DSCAML1: variants seen among roughly 807,000 people sequenced by gnomAD.
The protein encoded by DSCAML1 is cell adhesion molecule DSCAML1.
In DSCAML1, 38 loss-of-function variants were observed where a neutral mutation model predicts 200.5. The observed-to-expected ratio is 0.19, with a 90% confidence interval of 0.15 to 0.25. The LOEUF is 0.25. Ranked by LOEUF, DSCAML1 falls within the 10% of genes least tolerant of loss-of-function variation. The probability of loss-of-function intolerance (pLI) is 1.00; values close to 1 mark genes in which losing one functional copy is unlikely to be tolerated. For synonymous variants in DSCAML1, 1,215 were observed against 1,165.0 expected (o/e 1.04, Z -0.87); for missense variants, 2,223 against 2,858.8 (o/e 0.78, Z 5.07).
intron 3 of DSCAML1, among the ~76,000 whole-genome samples, chr11:117,559,801 C>A (rs1377654656): frequency 1.3e-5 from 2 of 152,002 alleles, no homozygotes; most frequent in African/African-American, 4.8e-5. Context: ...GAGAGACCCT[C>A]GCCCAGGGCA....
At chr11:117,669,934 G>A (rs979406789) in intron 3 of DSCAML1, among the ~76,000 whole-genome samples, 5 of 152,212 alleles carry the variant, frequency 3.3e-5, no homozygotes, top group South Asian at 2.1e-4. Context: ...GGGCCTCAGC[G>A]GCCCATGAAA....
intron 3 of DSCAML1, among the ~76,000 whole-genome samples, chr11:117,723,617 G>A (rs1241480417): frequency 2.0e-5 from 3 of 152,164 alleles, no homozygotes; most frequent in Non-Finnish European, 4.4e-5. Flanking sequence ...GACCCATTCC[G>A]CGGCTGTTTT....
chr11:117,790,321 G>A (rs536927592), intron 1 of DSCAML1, among the ~76,000 whole-genome samples: 3 of 152,356 alleles, frequency 2.0e-5, no homozygotes, highest in Middle Eastern at 3.4e-3. Flanking sequence ...AATGGGAGGA[G>A]GGAGAAGAGG....
chr11:117,429,412 C>G (rs1351101047), intron 32 of DSCAML1, among the ~76,000 whole-genome samples: 2 of 151,698 alleles, frequency 1.3e-5, no homozygotes, highest in African/African-American at 2.4e-5. Context: ...TTCCTAATTT[C>G]TTTTTTTTTG....
chr11:117,602,476 T>C (rs1358978921), intron 3 of DSCAML1, among the ~76,000 whole-genome samples: 1 of 152,134 alleles, frequency 6.6e-6, no homozygotes, highest in Non-Finnish European at 1.5e-5. Context: ...TCCTCCCACC[T>C]CAGCCTCCGG....
intron 6 of DSCAML1, among the ~76,000 whole-genome samples, chr11:117,519,680 G>A (rs981439903): frequency 1.3e-5 from 2 of 152,102 alleles, no homozygotes; most frequent in South Asian, 2.1e-4. Context: ...AAATAGCCAG[G>A]TGTGGTGGCA....
chr11:117,492,261 G>C (rs568697426), intron 11 of DSCAML1, among the ~76,000 whole-genome samples: 1 of 152,142 alleles, frequency 6.6e-6, no homozygotes, highest in Non-Finnish European at 1.5e-5. Context: ...GCAAACTTAG[G>C]GTGTCCTTCA....
intron 1 of DSCAML1, among the ~76,000 whole-genome samples, chr11:117,810,415 A>G (rs977915214): frequency 7.4e-5 from 11 of 148,550 alleles, no homozygotes; most frequent in Middle Eastern, 3.2e-3. Flanking sequence ...TTATTTCCGC[A>G]CCCCGACCTC....
chr11:117,711,961 C>T (rs1029343492), intron 3 of DSCAML1, among the ~76,000 whole-genome samples: 3 of 152,198 alleles, frequency 2.0e-5, no homozygotes, highest in African/African-American at 4.8e-5. Flanking sequence ...CTGAAGATGG[C>T]AACTATTATC....
chr11:117,522,110 C>T (rs755162595), intron 5 of DSCAML1, among the ~76,000 whole-genome samples: 5 of 152,210 alleles, frequency 3.3e-5, no homozygotes, highest in African/African-American at 7.2e-5. Flanking sequence ...AACCTGCCTG[C>T]GATTTCTGCA....
intron 21 of DSCAML1, 32 bp downstream of exon 21, chr11:117,443,854 T>A (rs765579146): frequency 7.7e-6 from 12 of 1,553,146 alleles, no homozygotes; most frequent in Non-Finnish European, 8.7e-7. Flanking sequence ...TTGGAAGTGT[T>A]TGCCCCTCTG....
intron 17 of DSCAML1, among the ~76,000 whole-genome samples, chr11:117,462,593 C>T (rs999236563): frequency 1.3e-5 from 2 of 152,218 alleles, no homozygotes; most frequent in Non-Finnish European, 2.9e-5. Flanking sequence ...AATGATAATA[C>T]ATCATCCTAA....
intron 2 of DSCAML1, 90 bp from the exon 3 acceptor site, chr11:117,777,027 C>A: frequency 7.3e-7 from 1 of 1,376,356 alleles, no homozygotes; most frequent in Non-Finnish European, 1.0e-6. Flanking sequence ...GCTCAACTCC[C>A]TCTGCTCCTT....
rs554528320 is a variant in DSCAML1, at chr11:117,432,210, G to A, written c.5179+142C>T. On this transcript the variant is annotated intron_variant, in intron 30 of 32. Transcript: ENST00000651296. ...AAATCTGCAGTTGAGGTCTCCAGAC[G>A]CTCATTCCAGTGCTTTCCATTTTTG... The A allele has an allele frequency of 7.1e-5, 69 of 965,864 alleles. No individual in the cohort carries two copies. In the African/African-American group the frequency reaches 8.6e-4, roughly 12 times the overall value. The allele number at this position is 965,864 out of a possible 1,614,324, so 59.8% of individuals were successfully genotyped here.
intron 3 of DSCAML1, among the ~76,000 whole-genome samples, chr11:117,742,602 C>T (rs906566643): frequency 1.3e-5 from 2 of 152,210 alleles, no homozygotes; most frequent in African/African-American, 4.8e-5. Flanking sequence ...CAGCTCCATA[C>T]AGGGAGTCAA....
intron 8 of DSCAML1, among the ~76,000 whole-genome samples, chr11:117,508,083 G>A (rs1429617943): frequency 6.6e-6 from 1 of 152,112 alleles, no homozygotes; most frequent in Non-Finnish European, 1.5e-5. Flanking sequence ...CTTTCTGATG[G>A]ATTGTAGCAG....
In DSCAML1 at chr11:117,613,310, A is replaced by G. The variant is rs567748307; in HGVS notation, c.512-80788T>C. ...CAAGGGTGCTCTTGGAGTAATAGTA[A>G]AGACATGGTAGGAAGCAGGTGGGAT... On this transcript the variant is annotated intron_variant, in intron 3 of 32. Transcript: ENST00000651296. Among the ~76,000 whole-genome samples, 117 of 152,192 alleles carry G rather than the reference A, an allele frequency of 7.7e-4. 1 individual carries two copies. Among genetic ancestry groups the G allele is most frequent in the African/African-American group, 2.8e-3 (116 of 41,518 alleles).
At position 117,780,217 on chromosome 11, in the gene DSCAML1, GAGAA is replaced by G. The variant is rs1555032657; in HGVS notation, c.364+272_364+275del. 7.1e-4 allele frequency among the ~76,000 whole-genome samples: 55 copies of G among 77,064 alleles called. 3 individuals are homozygous for G. Among genetic ancestry groups the G allele is most frequent in the African/African-American group, 2.6e-3 (53 of 20,356 alleles). 50.6% of individuals were successfully genotyped at this position (77,064 alleles called of 152,430 possible). A position where few individuals can be genotyped will look rare whatever the true frequency, so the allele number is the denominator to read the frequency against. On this transcript the variant is annotated intron_variant, in intron 2 of 32. Coordinates refer to ENST00000651296, the MANE Select transcript of DSCAML1 (RefSeq NM_020693.4). The surrounding 1 kb of genome is among the most constrained non-coding windows in gnomAD (Gnocchi z 4.8). ...AAAGAAAGAGAAAGAAAGAGAGAGA[GAGAA>G]AGAAAGAAAGGAAAGAAAGAAAGAA...
intron 17 of DSCAML1, 40 bp downstream of exon 17, chr11:117,464,902 G>A (rs1446085466): frequency 6.2e-7 from 1 of 1,602,348 alleles, no homozygotes. Context: ...TCTGCCCATG[G>A]CAGGAATCTG....
Sources: allele counts gnomAD v4.1 joint callset (sites outside exome capture counted in the v4.1 genomes callset), GRCh38; gene constraint gnomAD v4.1.1; non-coding constraint Gnocchi (gnomAD v3.1); transcripts MANE v1.5; gene names NCBI Gene and HGNC (gene_info 2026-07-23, HGNC 2026-07-21).